The following SASH1 variants were observed in gnomAD, a reference collection of about 807,000 sequenced individuals.
The protein encoded by SASH1 is SAM and SH3 domain-containing protein 1.
A neutral mutation model predicts 125.2 loss-of-function variants in SASH1; 44 were observed. The observed-to-expected ratio is 0.35, with a 90% CI of 0.28 to 0.45. The LOEUF (loss-of-function observed/expected upper bound fraction) is 0.45, where lower values mean the gene tolerates loss of function less well. SASH1 is among the 20% of genes least tolerant of loss of function. SASH1 has a pLI of 1.00. For missense variants in SASH1, 1,426 were observed against 1,614.5 expected, an observed-to-expected ratio of 0.88 and a Z score of 2.00; for synonymous variants, 639 against 649.1, an observed-to-expected ratio of 0.98 and a Z score of 0.24.
chr6:148,324,118 C>CAAAAAAAAAAAAAAAAAAAA (rs56950339), intron 1 of SASH1, among the ~76,000 whole-genome samples: 2 of 59,442 alleles, frequency 3.4e-5, no homozygotes, highest in African/African-American at 7.1e-5. Flanking sequence ...GAATCTGTCT[C>CAAAAAAAAAAAAAAAAAAAA]AAAAAAAAAA....
At chr6:148,311,202 G>A (rs969651089) in intron 1 of SASH1, among the ~76,000 whole-genome samples, 3 of 151,808 alleles carry the variant, frequency 2.0e-5, no homozygotes, top group Admixed American at 6.6e-5. Flanking sequence ...TGCCTCCCAG[G>A]TTCAAGCGAT....
intron 2 of SASH1, among the ~76,000 whole-genome samples, chr6:148,412,070 A>G (rs758519653): frequency 2.0e-5 from 3 of 152,190 alleles, no homozygotes; most frequent in Admixed American, 6.5e-5. Flanking sequence ...GTTGCCACTC[A>G]TGACTCGTTG....
chr6:148,342,702 G>T (rs966940621), upstream of SASH1: 3 of 152,184 alleles, frequency 2.0e-5, no homozygotes, highest in Non-Finnish European at 4.4e-5. Context: ...GCGTGCCTTA[G>T]TTAGTTGGTT....
At chr6:148,438,082 C>A (rs1776369260) in intron 2 of SASH1, among the ~76,000 whole-genome samples, 1 of 152,108 alleles carries the variant, frequency 6.6e-6, no homozygotes, top group African/African-American at 2.4e-5. Flanking sequence ...TTGAACCAGT[C>A]ACTTTTGCTG....
intron 7 of SASH1, among the ~76,000 whole-genome samples, chr6:148,485,666 C>G (rs1412956924): frequency 6.6e-6 from 1 of 152,182 alleles, no homozygotes; most frequent in Non-Finnish European, 1.5e-5. Context: ...CAAGCTCTTA[C>G]TCAATAATCA....
intron 1 of SASH1, among the ~76,000 whole-genome samples, chr6:148,317,667 C>T (rs897558695): frequency 6.6e-6 from 1 of 152,112 alleles, no homozygotes; most frequent in Admixed American, 6.5e-5. Flanking sequence ...CCTTGTGATC[C>T]GCCTGCCTCG....
intron 2 of SASH1, among the ~76,000 whole-genome samples, chr6:148,424,755 A>G (rs1050718242): frequency 1.3e-5 from 2 of 152,126 alleles, no homozygotes; most frequent in Non-Finnish European, 2.9e-5. Context: ...GGCTCCAGAT[A>G]CACCTACCCC....
Position 148,330,026 on chromosome 6 carries a change from C to T in SASH1, n.74+57649C>T, listed in dbSNP as rs551679600. Among the ~76,000 whole-genome samples the T allele has an allele frequency of 3.3e-5, 5 of 152,228 alleles. No homozygotes were observed. The East Asian group carries it at 9.7e-4, about 29-fold the overall frequency. ...AGGGCTCCACCATGCATCTGGCACT[C>T]ATGGGTCTTCCTCAAGTAATTATCT... On this transcript the variant is annotated intron_variant and non_coding_transcript_variant, in intron 1 of 3. Coordinates refer to the SASH1 transcript ENST00000367469.
intron 7 of SASH1, among the ~76,000 whole-genome samples, chr6:148,481,387 GT>G (rs1285471354): frequency 1.3e-5 from 2 of 152,028 alleles, no homozygotes; most frequent in Non-Finnish European, 2.9e-5. Context: ...AGCACTTTTC[GT>G]TTCCTTTGAG....
At chr6:148,435,187 G>A (rs1160499723) in intron 2 of SASH1, among the ~76,000 whole-genome samples, 1 of 152,110 alleles carries the variant, frequency 6.6e-6, no homozygotes, top group Non-Finnish European at 1.5e-5. Flanking sequence ...AGACCAGCCT[G>A]GCCAATATGG....
chr6:148,431,105 A>T (rs1290755478), intron 2 of SASH1, among the ~76,000 whole-genome samples: 1 of 152,248 alleles, frequency 6.6e-6, no homozygotes, highest in East Asian at 1.9e-4. Flanking sequence ...TACAAGTGGA[A>T]TGGATTCACT....
chr6:148,520,310 G>C (rs961673209), intron 10 of SASH1: 5 of 180,786 alleles, frequency 2.8e-5, no homozygotes, highest in African/African-American at 1.2e-4. Context: ...AGGATGAGGA[G>C]GCAAAGAGGA....
intron 12 of SASH1, among the ~76,000 whole-genome samples, chr6:148,530,098 CCCA>C (rs1470475558): frequency 6.6e-6 from 1 of 152,138 alleles, no homozygotes; most frequent in African/African-American, 2.4e-5. Context: ...AGCCACTGCG[CCCA>C]CCTTGTGTGT....
At chr6:148,386,417 G>A (rs933003790) in intron 1 of SASH1, among the ~76,000 whole-genome samples, 5 of 152,188 alleles carry the variant, frequency 3.3e-5, no homozygotes, top group Non-Finnish European at 5.9e-5. Context: ...GTTCACAAAC[G>A]TGAAAGCTGG....
chr6:148,194,868 T>A, the SASH1 span, among the ~76,000 whole-genome samples: 1 of 152,248 alleles, frequency 6.6e-6, no homozygotes, highest in Non-Finnish European at 1.5e-5. Context: ...ATCGCGCCAC[T>A]GCACTCCAGC....
At chr6:148,209,770 C>G in the SASH1 span, among the ~76,000 whole-genome samples, 1 of 152,158 alleles carries the variant, frequency 6.6e-6, no homozygotes, top group Non-Finnish European at 1.5e-5. Flanking sequence ...CTTGGCTGTT[C>G]CGGTTGCATC....
intron 2 of SASH1, among the ~76,000 whole-genome samples, chr6:148,421,338 C>G (rs914837523): frequency 6.6e-6 from 1 of 152,168 alleles, no homozygotes; most frequent in South Asian, 2.1e-4. Flanking sequence ...GAGTCTCGCT[C>G]TGTTACCTGG....
intron 4 of SASH1, among the ~76,000 whole-genome samples, chr6:148,448,895 A>G (rs553024198): frequency 6.6e-6 from 1 of 152,050 alleles, no homozygotes; most frequent in South Asian, 2.1e-4. Flanking sequence ...TCCTTGAGAA[A>G]CTTTTCTGCC....
chr6:148,504,368 A>G (rs1316136861), intron 8 of SASH1, among the ~76,000 whole-genome samples: 3 of 152,164 alleles, frequency 2.0e-5, no homozygotes, highest in African/African-American at 7.2e-5. Flanking sequence ...ATCTGACCGC[A>G]CACAGTCACA....
Sources: allele counts gnomAD v4.1 joint callset (sites outside exome capture counted in the v4.1 genomes callset), GRCh38; gene constraint gnomAD v4.1.1; transcripts MANE v1.5; gene names NCBI Gene and HGNC (gene_info 2026-07-23, HGNC 2026-07-21).